The following ATXN1 variants were observed in gnomAD, a reference collection of about 807,000 sequenced individuals.
ATXN1 encodes ataxin-1.
In ATXN1, 8 loss-of-function variants were observed where a neutral mutation model predicts 56.4. That is an observed-to-expected ratio of 0.14 (90% CI 0.08 to 0.26). ATXN1 has a LOEUF of 0.26. Among genes scored for constraint, ATXN1 ranks in the 10% least tolerant of loss-of-function variants. ATXN1 has a pLI of 1.00. For missense variants in ATXN1, 987 were observed against 1,106.5 expected (o/e 0.89, Z 1.53); for synonymous variants, 514 against 494.6 (o/e 1.04, Z -0.52).
In ATXN1 at chr6:16,402,242, G is replaced by GTTTTTTTTTTTTTTTTTTTTTT. The variant is rs58048762; in HGVS notation, c.-160-73794_-160-73773dup. Among the ~76,000 whole-genome samples the GTTTTTTTTTTTTTTTTTTTTTT allele has an allele frequency of 6.4e-5, 4 of 62,118 alleles. 1 individual carries two copies. Among genetic ancestry groups the GTTTTTTTTTTTTTTTTTTTTTT allele is most frequent in the Non-Finnish European group, 1.1e-4 (4 of 34,814 alleles). The allele number at this position is 62,118 out of a possible 152,430, so 40.8% of individuals were successfully genotyped here. A position where few individuals can be genotyped will look rare whatever the true frequency, so the allele number is the denominator to read the frequency against. On this transcript the variant is annotated intron_variant, in intron 6 of 7. Transcript: ENST00000436367. ...CAAGACTTCTCGCCAACCACTGACA[G>GTTTTTTTTTTTTTTTTTTTTTT]TTTTTTTTTTTTTTTTTTTTTTTTT...
chr6:16,674,062 T>C (rs1157910757), intron 2 of ATXN1, among the ~76,000 whole-genome samples: 2 of 152,154 alleles, frequency 1.3e-5, no homozygotes, highest in Non-Finnish European at 2.9e-5. Flanking sequence ...TATATATATA[T>C]ATATTCTTAC....
intron 2 of ATXN1, among the ~76,000 whole-genome samples, chr6:16,666,085 ACTAT>A (rs959816109): frequency 3.9e-5 from 6 of 152,236 alleles, no homozygotes; most frequent in East Asian, 3.9e-4. Flanking sequence ...TCTTATTCCT[ACTAT>A]CTAACTATAT....
chr6:16,697,988 G>A (rs1759202258), intron 2 of ATXN1, among the ~76,000 whole-genome samples: 1 of 152,148 alleles, frequency 6.6e-6, no homozygotes, highest in Non-Finnish European at 1.5e-5. Flanking sequence ...CTATACCACT[G>A]CTCTGCAGAC....
intron 2 of ATXN1, among the ~76,000 whole-genome samples, chr6:16,660,832 G>GTTTTTTTT (rs754718969): frequency 7.5e-5 from 7 of 93,016 alleles, no homozygotes; most frequent in East Asian, 3.4e-4. Flanking sequence ...TTTTGTTTTG[G>GTTTTTTTT]TTTTTTTTTT....
chr6:16,613,832 AAAATAAAATAATATAAATAGAAATGAC>A (rs1350581816), intron 3 of ATXN1, among the ~76,000 whole-genome samples: 1 of 152,232 alleles, frequency 6.6e-6, no homozygotes, highest in Non-Finnish European at 1.5e-5. Flanking sequence ...CTGTCTTGAT[AAAATAAAATAATATAAATAGAAATGAC>A]AAATTTTCTA....
chr6:16,398,611 T>C (rs868391726), intron 6 of ATXN1, among the ~76,000 whole-genome samples: 10 of 152,334 alleles, frequency 6.6e-5, no homozygotes, highest in Admixed American at 2.6e-4. Context: ...TTTGTGAGTG[T>C]GTATGTGTGT....
At chr6:16,566,265 T>C (rs2113744695) in intron 4 of ATXN1, among the ~76,000 whole-genome samples, 1 of 152,274 alleles carries the variant, frequency 6.6e-6, no homozygotes, top group East Asian at 1.9e-4. Flanking sequence ...ATATAAGAAA[T>C]ACAATGCCCT....
intron 3 of ATXN1, among the ~76,000 whole-genome samples, chr6:16,609,853 AG>A (rs1353218767): frequency 6.6e-6 from 1 of 152,196 alleles, no homozygotes; most frequent in Non-Finnish European, 1.5e-5. Flanking sequence ...TTGAAGAAGG[AG>A]GAGGAAAAAG....
chr6:16,326,925 G>A lies in ATXN1; in HGVS notation c.1386C>T (p.Ile462=), dbSNP rs754215904. The A allele has an allele frequency of 3.4e-5, 55 of 1,613,852 alleles. No homozygotes were observed. Among genetic ancestry groups the A allele is most frequent in the South Asian group, 3.3e-5 (3 of 91,092 alleles). ...AFYAGTQPPV[I]GYLSGQQQAI... Reference sequence around the variant, plus strand: ...CTTGCTGCTGGCCGCTCAGGTAGCCGATGACAGGGGGTTGAGTCCCTGCGT... The same window carrying A: ...CTTGCTGCTGGCCGCTCAGGTAGCCAATGACAGGGGGTTGAGTCCCTGCGT... Residue 462 remains isoleucine (I), a synonymous_variant, in exon 7 of 8, where the codon ATC becomes ATT. Coordinates refer to ENST00000436367, the MANE Select transcript of ATXN1 (RefSeq NM_001128164.2). This position sits in a 1 kb window ranked among gnomAD's most constrained non-coding sequence, Gnocchi z 6.6.
chr6:16,542,819 C>T (rs181310632), intron 4 of ATXN1, among the ~76,000 whole-genome samples: 435 of 151,546 alleles, frequency 2.9e-3, no homozygotes, highest in African/African-American at 9.7e-3. Flanking sequence ...ATAAATAAGT[C>T]ACAGTAAGAG....
At chr6:16,311,264 G>T (rs1760383581) in intron 7 of ATXN1, among the ~76,000 whole-genome samples, 1 of 152,152 alleles carries the variant, frequency 6.6e-6, no homozygotes, top group African/African-American at 2.4e-5. Flanking sequence ...TAAGTCACTT[G>T]CCTAATGTCA....
chr6:16,632,200 C>A (rs926045757), intron 3 of ATXN1, among the ~76,000 whole-genome samples: 5 of 152,134 alleles, frequency 3.3e-5, no homozygotes, highest in African/African-American at 1.2e-4. Flanking sequence ...ATCCCCTCAG[C>A]CACTGGCACC....
At chr6:16,636,746 C>T (rs917056967) in intron 3 of ATXN1, among the ~76,000 whole-genome samples, 3 of 152,166 alleles carry the variant, frequency 2.0e-5, no homozygotes, top group African/African-American at 7.2e-5. Flanking sequence ...GCTGTTTCAA[C>T]AGGAAATGTC....
At chr6:16,613,317 T>C (rs1489769829) in intron 3 of ATXN1, among the ~76,000 whole-genome samples, 3 of 150,698 alleles carry the variant, frequency 2.0e-5, no homozygotes, top group African/African-American at 7.3e-5. Flanking sequence ...GGCTATTAAT[T>C]AGCTAGCAGT....
intron 7 of ATXN1, among the ~76,000 whole-genome samples, chr6:16,315,075 C>T (rs9464879): frequency 0.014 from 2,075 of 152,204 alleles, 48 homozygotes; most frequent in African/African-American, 0.046. Context: ...AGAACATACA[C>T]GCAAAACGGG....
chr6:16,731,428 A>G (rs1278785383), intron 2 of ATXN1, among the ~76,000 whole-genome samples: 1 of 148,758 alleles, frequency 6.7e-6, no homozygotes, highest in Non-Finnish European at 1.5e-5. Context: ...TTAGACAGAT[A>G]ACGAGAGAGG....
Position 16,621,642 on chromosome 6 carries a change from A to C in ATXN1, c.-488-35735T>G, listed in dbSNP as rs182066706. Among the ~76,000 whole-genome samples, 225 of 152,218 alleles carry C rather than the reference A, an allele frequency of 1.5e-3. 2 individuals carry two copies. Among genetic ancestry groups the C allele is most frequent in the African/African-American group, 5.3e-3 (219 of 41,542 alleles). ...AGGCTGAGGCTTGAACCCGGGAGGC[A>C]ATGGAGGTTGCAGTGAGCCAAGATC... On this transcript the variant is annotated intron_variant, in intron 3 of 7. Transcript: ENST00000436367.
rs729771 is a variant in ATXN1 at position 16,638,887 on chromosome 6, T to C, written c.-489+18889A>G. On this transcript the variant is annotated intron_variant, in intron 3 of 7. Coordinates refer to ENST00000436367, the MANE Select transcript of ATXN1 (RefSeq NM_001128164.2). ...CAAGTAGCCCAGATTAATATCATAGTGCAGCTAGTCGGTGGCTATAATTAA... is the reference window on the plus strand; with the variant it reads ...CAAGTAGCCCAGATTAATATCATAGCGCAGCTAGTCGGTGGCTATAATTAA... Among the ~76,000 whole-genome samples the C allele has an allele frequency of 9.2e-5, 14 of 152,220 alleles. No individual in the cohort carries two copies. The South Asian group carries it at 2.1e-3, about 23-fold the overall frequency.
At chr6:16,465,023 A>G (rs894056751) in intron 6 of ATXN1, among the ~76,000 whole-genome samples, 2 of 152,142 alleles carry the variant, frequency 1.3e-5, no homozygotes, top group Admixed American at 1.3e-4. Flanking sequence ...TTTCAAATCA[A>G]TTTTTCTGTA....
Sources: gnomAD v4.1 joint callset for allele counts (sites outside exome capture counted in the v4.1 genomes callset) on GRCh38, gnomAD v4.1.1 for gene constraint, Gnocchi (gnomAD v3.1) non-coding constraint, MANE v1.5 for transcripts, NCBI Gene and HGNC (gene_info 2026-07-23, HGNC 2026-07-21) for gene names.